Variants in HMBOX1 observed in about 807,000 individuals in gnomAD.
HMBOX1 encodes homeobox-containing protein 1.
A neutral mutation model predicts 54.5 loss-of-function variants in HMBOX1; 14 were observed. The observed-to-expected ratio is 0.26, with a 90% CI of 0.17 to 0.40. The LOEUF (loss-of-function observed/expected upper bound fraction) is 0.40. Among genes scored for constraint, HMBOX1 ranks in the 10% least tolerant of loss-of-function variants. HMBOX1 has a pLI of 1.00. For synonymous variants in HMBOX1, 160 were observed against 181.0 expected, an observed-to-expected ratio of 0.88 and a Z score of 0.93; for missense variants, 332 against 514.4, an observed-to-expected ratio of 0.65 and a Z score of 3.43.
chr8:28,984,875 T>C (rs1829941569), intron 4 of HMBOX1, among the ~76,000 whole-genome samples: 1 of 152,130 alleles, frequency 6.6e-6, no homozygotes. Flanking sequence ...CAAAGAAATA[T>C]ACTAATTGGA....
At chr8:29,033,840 T>A (rs1325050218) in intron 6 of HMBOX1, among the ~76,000 whole-genome samples, 1 of 152,196 alleles carries the variant, frequency 6.6e-6, no homozygotes, top group Non-Finnish European at 1.5e-5. Flanking sequence ...CAATTAAGTA[T>A]ATGATTCATC....
intron 1 of HMBOX1, among the ~76,000 whole-genome samples, chr8:28,898,992 T>C (rs1040187615): frequency 5.3e-5 from 8 of 152,196 alleles, no homozygotes; most frequent in African/African-American, 7.2e-5. Context: ...AGTCTAGCAG[T>C]GCGTGATGAG....
At chr8:29,042,117 T>G (rs1804918817) in intron 6 of HMBOX1, among the ~76,000 whole-genome samples, 1 of 152,096 alleles carries the variant, frequency 6.6e-6, no homozygotes, top group Non-Finnish European at 1.5e-5. Flanking sequence ...CCACCAATTA[T>G]AAAATGCATC....
chr8:28,927,151 T>C (rs1345326000), intron 1 of HMBOX1, among the ~76,000 whole-genome samples: 1 of 151,828 alleles, frequency 6.6e-6, no homozygotes, highest in East Asian at 1.9e-4. Context: ...TTGCTTGAAA[T>C]ACAAAGGATA....
intron 2 of HMBOX1, among the ~76,000 whole-genome samples, chr8:28,967,192 T>G (rs1826578514): frequency 6.6e-6 from 1 of 152,214 alleles, no homozygotes; most frequent in African/African-American, 2.4e-5. Flanking sequence ...GGCTTTCTTC[T>G]GTGCTCACCC....
chr8:28,993,451 A>C (rs1260544211), intron 4 of HMBOX1, among the ~76,000 whole-genome samples: 2 of 152,216 alleles, frequency 1.3e-5, no homozygotes, highest in Admixed American at 1.3e-4. Context: ...AAAATGCTGT[A>C]AATAACCTAC....
chr8:28,979,075 G>C (rs1828919324), intron 3 of HMBOX1, among the ~76,000 whole-genome samples: 1 of 152,192 alleles, frequency 6.6e-6, no homozygotes, highest in Non-Finnish European at 1.5e-5. Context: ...TGGCAGGCTA[G>C]AATTAGCCCA....
intron 1 of HMBOX1, among the ~76,000 whole-genome samples, chr8:28,899,100 T>A (rs879410072): frequency 1.3e-5 from 2 of 152,248 alleles, no homozygotes; most frequent in Admixed American, 6.5e-5. Context: ...TAAGATTTGC[T>A]TTTTATTCTA....
chr8:29,008,372 A>G (rs1833761406), intron 4 of HMBOX1, among the ~76,000 whole-genome samples: 3 of 152,192 alleles, frequency 2.0e-5, no homozygotes, highest in Middle Eastern at 3.2e-3. Context: ...CTTCTTGGAG[A>G]TAGCAGAAAA....
In HMBOX1 at chr8:28,970,716, CT is replaced by C. The variant is rs1827242153; in HGVS notation, c.500+199del. The C allele has an allele frequency of 2.1e-5, 10 of 483,332 alleles. No homozygotes were observed. In the East Asian group the frequency reaches 3.2e-4, roughly 16 times the overall value. 29.9% of individuals were successfully genotyped at this position (483,332 alleles called of 1,614,324 possible). On this transcript the variant is annotated intron_variant, in intron 3 of 9. Coordinates refer to ENST00000287701, the MANE Select transcript of HMBOX1 (RefSeq NM_001135726.3). This position sits in a 1 kb window ranked among gnomAD's most constrained non-coding sequence, Gnocchi z 4.3. ...TTTATGTTTTTAATTTAAATTTTCT[CT>C]TCTTTACTTCAGCCCTTTCTCTTTG...
intron 1 of HMBOX1, among the ~76,000 whole-genome samples, chr8:28,894,275 C>CAT (rs1811616291): frequency 6.6e-6 from 1 of 152,168 alleles, no homozygotes; most frequent in South Asian, 2.1e-4. Flanking sequence ...ACAATACACT[C>CAT]ATACATAAAA....
intron 1 of HMBOX1, among the ~76,000 whole-genome samples, chr8:28,946,231 G>A (rs955181841): frequency 6.6e-6 from 1 of 152,004 alleles, no homozygotes; most frequent in Non-Finnish European, 1.5e-5. Flanking sequence ...GGGATTACAG[G>A]TGTGAGCCAC....
intron 1 of HMBOX1, among the ~76,000 whole-genome samples, chr8:28,928,957 G>A (rs1404685425): frequency 6.6e-6 from 1 of 152,192 alleles, no homozygotes; most frequent in Non-Finnish European, 1.5e-5. Context: ...GTCAAAGGGT[G>A]CAAACTGTTG....
intron 4 of HMBOX1, among the ~76,000 whole-genome samples, chr8:28,987,230 A>G (rs1830298970): frequency 6.6e-6 from 1 of 152,182 alleles, no homozygotes; most frequent in Non-Finnish European, 1.5e-5. Flanking sequence ...CTCATTCAGT[A>G]ATTATCATTT....
At position 28,970,013 on chromosome 8, in the gene HMBOX1, A is replaced by G; in HGVS notation, c.24-30A>G. 2 of 1,386,568 alleles carry G rather than the reference A, an allele frequency of 1.4e-6. No homozygotes were observed. Among genetic ancestry groups the G allele is most frequent in the South Asian group, 1.2e-5 (1 of 81,078 alleles). 85.9% of individuals were successfully genotyped at this position (1,386,568 alleles called of 1,614,324 possible). ...GTGCTTTGGTAGATACTGTCAATAAAGAGACTTCTTTTTATCTCTTTTTTT... is the reference window on the plus strand; with the variant it reads ...GTGCTTTGGTAGATACTGTCAATAAGGAGACTTCTTTTTATCTCTTTTTTT... On this transcript the variant is annotated intron_variant, in intron 2 of 9. Coordinates refer to ENST00000287701, the MANE Select transcript of HMBOX1 (RefSeq NM_001135726.3). The surrounding 1 kb of genome is among the most constrained non-coding windows in gnomAD (Gnocchi z 4.3).
chr8:28,921,881 G>T (rs763845203), intron 1 of HMBOX1, among the ~76,000 whole-genome samples: 3 of 152,186 alleles, frequency 2.0e-5, no homozygotes, highest in South Asian at 2.1e-4. Context: ...TGGGATCAAG[G>T]TAGTACATAC....
At chr8:29,016,582 T>C (rs1835042254) in intron 5 of HMBOX1, among the ~76,000 whole-genome samples, 1 of 152,270 alleles carries the variant, frequency 6.6e-6, no homozygotes, top group Non-Finnish European at 1.5e-5. Flanking sequence ...AATCCAGGAA[T>C]GGCTTAGCTG....
At chr8:28,902,200 C>G (rs958900653) in intron 1 of HMBOX1, among the ~76,000 whole-genome samples, 6 of 152,146 alleles carry the variant, frequency 3.9e-5, no homozygotes, top group African/African-American at 1.4e-4. Context: ...AATTTATCCT[C>G]AGAAGATAGT....
chr8:29,022,323 CAGG>C (rs889128649), intron 6 of HMBOX1, among the ~76,000 whole-genome samples: 1 of 152,050 alleles, frequency 6.6e-6, no homozygotes, highest in African/African-American at 2.4e-5. Context: ...GAGGCTGAGG[CAGG>C]AGGATTGCTT....
Sources: gnomAD v4.1 joint callset for allele counts (sites outside exome capture counted in the v4.1 genomes callset) on GRCh38, gnomAD v4.1.1 for gene constraint, Gnocchi (gnomAD v3.1) non-coding constraint, MANE v1.5 for transcripts, NCBI Gene and HGNC (gene_info 2026-07-23, HGNC 2026-07-21) for gene names.